The following GOLIM4 variants were observed in gnomAD, a reference collection of about 807,000 sequenced individuals.
GOLIM4 encodes golgi integral membrane protein 4, also known as 130 kDa golgi-localized phosphoprotein.
GOLIM4 carries 71 observed loss-of-function variants against 107.4 expected under a neutral mutation model. The ratio of observed to expected loss-of-function variants is 0.66; its 90% confidence interval spans 0.55 to 0.81. The LOEUF (loss-of-function observed/expected upper bound fraction) is 0.81, where lower values mean the gene tolerates loss of function less well. Ranked by LOEUF, GOLIM4 falls within the 30% of genes least tolerant of loss-of-function variation. The probability of loss-of-function intolerance (pLI) is 0.00; values close to 1 mark genes in which losing one functional copy is unlikely to be tolerated. For missense variants in GOLIM4, 830 were observed against 826.1 expected, an observed-to-expected ratio of 1.00 and a Z score of -0.06; for synonymous variants, 327 against 294.8, an observed-to-expected ratio of 1.11 and a Z score of -1.12.
intron 14 of GOLIM4, among the ~76,000 whole-genome samples, chr3:168,013,425 C>T (rs1431678465): frequency 6.6e-6 from 1 of 151,594 alleles, no homozygotes; most frequent in Non-Finnish European, 1.5e-5. Flanking sequence ...ACTTAGACTC[C>T]CACGCATTAA....
chr3:168,038,750 G>A (rs559942162), intron 7 of GOLIM4, among the ~76,000 whole-genome samples: 7 of 152,118 alleles, frequency 4.6e-5, no homozygotes, highest in Non-Finnish European at 8.8e-5. Flanking sequence ...GGAGATTTGG[G>A]GAAAGTCTTA....
intron 14 of GOLIM4, among the ~76,000 whole-genome samples, chr3:168,023,798 C>T (rs73037463): frequency 0.013 from 1,964 of 152,230 alleles, 35 homozygotes; most frequent in African/African-American, 0.045. Context: ...TGTGATAAAA[C>T]GGCTACAACA....
In GOLIM4 at chr3:168,036,853, T is replaced by C. The variant is rs1318125131; in HGVS notation, c.826A>G (p.Thr276Ala). ...QGYNTAREKP[T>A]REVQEVSRNN... is the part of the protein sequence containing the mutation. The stretch of plus-strand genomic sequence containing the variant: ...CCCCTTACCTCCTGCACCTCTCGGG[T>C]TGGCTTCTCCCTTGCTGTGTTGTAA... The change falls in exon 8 of 16, where the codon ACC (threonine) becomes GCC (alanine). Residue 276 changes from threonine to alanine, a missense_variant. Physicochemically the swap from Thr to Ala is moderately conservative, Grantham distance 58. Coordinates refer to ENST00000470487, the MANE Select transcript of GOLIM4 (RefSeq NM_014498.5). The C allele has an allele frequency of 1.9e-6, 3 of 1,612,958 alleles. No homozygotes were observed. The highest frequency in any genetic ancestry group is 1.1e-5 in the South Asian group (1 of 90,812).
chr3:168,025,870 C>G (rs535744705), intron 12 of GOLIM4, among the ~76,000 whole-genome samples: 2 of 152,256 alleles, frequency 1.3e-5, no homozygotes, highest in Non-Finnish European at 2.9e-5. Context: ...ACTTAAGCTC[C>G]CAAAGCACCT....
At chr3:168,060,273 G>A (rs1318052165) in intron 1 of GOLIM4, among the ~76,000 whole-genome samples, 2 of 152,066 alleles carry the variant, frequency 1.3e-5, no homozygotes, top group Non-Finnish European at 2.9e-5. Flanking sequence ...TTTAAATATT[G>A]ATCCCTCTAG....
chr3:168,090,684 G>T (rs1034751678), intron 1 of GOLIM4, among the ~76,000 whole-genome samples: 1 of 152,018 alleles, frequency 6.6e-6, no homozygotes, highest in African/African-American at 2.4e-5. Flanking sequence ...TACCCAAAGG[G>T]AAATAAATAA....
intron 1 of GOLIM4, among the ~76,000 whole-genome samples, chr3:168,092,292 A>G (rs1721953199): frequency 6.6e-6 from 1 of 152,222 alleles, no homozygotes; most frequent in Admixed American, 6.5e-5. Flanking sequence ...TAGATGACTG[A>G]TTGCTAAGAG....
intron 1 of GOLIM4, among the ~76,000 whole-genome samples, chr3:168,050,842 TAA>T (rs1491248551): frequency 6.8e-6 from 1 of 146,556 alleles, no homozygotes; most frequent in Non-Finnish European, 1.5e-5. Flanking sequence ...ATAATAATAA[TAA>T]TAATAATAAT....
At chr3:168,056,792 T>C (rs1156960892) in intron 1 of GOLIM4, among the ~76,000 whole-genome samples, 2 of 152,238 alleles carry the variant, frequency 1.3e-5, no homozygotes, top group African/African-American at 2.4e-5. Flanking sequence ...TCATTGTATC[T>C]AGGAAGTAAT....
chr3:168,011,760 G>C (rs1206553469), intron 14 of GOLIM4, among the ~76,000 whole-genome samples: 1 of 135,322 alleles, frequency 7.4e-6, no homozygotes, highest in East Asian at 2.0e-4. Flanking sequence ...AGCCTAACTG[G>C]GAGGCACCCC....
chr3:168,081,922 T>C (rs1428557921), intron 1 of GOLIM4, among the ~76,000 whole-genome samples: 1 of 152,148 alleles, frequency 6.6e-6, no homozygotes, highest in Non-Finnish European at 1.5e-5. Flanking sequence ...AGAGGGTTAA[T>C]AGTCAGGGCT....
chr3:168,066,697 C>T (rs1261850894), intron 1 of GOLIM4, among the ~76,000 whole-genome samples: 3 of 152,082 alleles, frequency 2.0e-5, no homozygotes, highest in African/African-American at 7.2e-5. Flanking sequence ...CTTATACATC[C>T]AATTCACATG....
chr3:168,032,570 G>A lies in GOLIM4; in HGVS notation c.1126C>T (p.His376Tyr). The change falls in exon 9 of 16, where the codon CAT (histidine) becomes TAT (tyrosine). Residue 376 changes from histidine (H) to tyrosine (Y), a missense_variant. By Grantham distance (83) the His-to-Tyr change is moderately conservative (BLOSUM62 2). Coordinates refer to ENST00000470487, the MANE Select transcript of GOLIM4 (RefSeq NM_014498.5). Reference sequence around the variant, plus strand: ...AGGTTGGCTGCTTCTCGTTGCTCATGCTGCTCTTTCCACTCCCGATCCTGC... The same window carrying A: ...AGGTTGGCTGCTTCTCGTTGCTCATACTGCTCTTTCCACTCCCGATCCTGC... ...EEQDREWKEQ[H>Y]EQREAANLLE... 6.2e-7 allele frequency: 1 copy of A among 1,614,040 alleles called. No individual in the cohort carries two copies.
chr3:168,037,016 T>A, intron 7 of GOLIM4, 22 bp from the exon 8 acceptor site: 1 of 1,271,712 alleles, frequency 7.9e-7, no homozygotes, highest in Non-Finnish European at 1.1e-6. Context: ...TTGCACAATT[T>A]GAGGAGGGAA....
At chr3:168,011,326 C>A (rs1297659985) in intron 14 of GOLIM4, among the ~76,000 whole-genome samples, 1 of 152,250 alleles carries the variant, frequency 6.6e-6, no homozygotes. Context: ...AAATACTGCG[C>A]TTTTCCGACG....
At chr3:168,036,500 C>T in intron 8 of GOLIM4, among the ~76,000 whole-genome samples, 1 of 152,170 alleles carries the variant, frequency 6.6e-6, no homozygotes, top group East Asian at 1.9e-4. Context: ...TAAGATTGTG[C>T]CACTGCACTC....
intron 9 of GOLIM4, among the ~76,000 whole-genome samples, chr3:168,030,804 G>T (rs755306537): frequency 2.1e-4 from 32 of 152,072 alleles, no homozygotes; most frequent in Non-Finnish European, 4.0e-4. Context: ...CAGTATGGAG[G>T]TTCCTCAAAA....
At chr3:168,081,470 A>C (rs370372342) in intron 1 of GOLIM4, among the ~76,000 whole-genome samples, 13 of 152,172 alleles carry the variant, frequency 8.5e-5, no homozygotes, top group African/African-American at 3.1e-4. Context: ...GAATCTAAAA[A>C]AAGGTAGAGT....
intron 7 of GOLIM4, 104 bp from the exon 8 acceptor site, chr3:168,037,098 A>G: frequency 3.9e-6 from 2 of 517,114 alleles, no homozygotes; most frequent in Non-Finnish European, 6.9e-6. Context: ...GTACCTAAAT[A>G]CAAGTTAGAA....
Sources: gnomAD v4.1 joint callset for allele counts (sites outside exome capture counted in the v4.1 genomes callset) on GRCh38, gnomAD v4.1.1 for gene constraint, MANE v1.5 for transcripts, NCBI Gene and HGNC (gene_info 2026-07-23, HGNC 2026-07-21) for gene names.